The following COL18A1 variants were observed in gnomAD, a reference collection of about 807,000 sequenced individuals.
COL18A1 encodes collagen type XVIII alpha 1 chain.
COL18A1 carries 133 observed loss-of-function variants against 168.0 expected under a neutral mutation model. That is an observed-to-expected ratio of 0.79 (90% CI 0.69 to 0.91). The LOEUF is 0.91. Ranked by LOEUF, COL18A1 falls within the 40% of genes least tolerant of loss-of-function variation. COL18A1 has a pLI of 0.00. For synonymous variants in COL18A1, 949 were observed against 809.0 expected (o/e 1.17, Z -2.94); for missense variants, 2,126 against 1,925.4 (o/e 1.10, Z -1.95).
At chr21:45,427,651 C>T (rs891453008) in intron 2 of COL18A1, among the ~76,000 whole-genome samples, 2 of 152,200 alleles carry the variant, frequency 1.3e-5, no homozygotes, top group Admixed American at 1.3e-4. Flanking sequence ...GTTGAGGTCT[C>T]TGTGCATGCT....
In COL18A1 at chr21:45,437,157, G is replaced by GAC. The variant is rs201385621; in HGVS notation, c.107-31081_107-31080dup. ...CACTCTCCACACACACTCACACTCA[G>GAC]ACACAGGCACTCTCCTGCACACACA... On this transcript the variant is annotated intron_variant, in intron 2 of 41. Coordinates refer to ENST00000651438, the MANE Select transcript of COL18A1 (RefSeq NM_001379500.1). Among the ~76,000 whole-genome samples the GAC allele has an allele frequency of 5.5e-4, 46 of 84,114 alleles. 3 individuals are homozygous for GAC. The highest frequency in any genetic ancestry group is 1.9e-3 in the African/African-American group (30 of 15,962). 55.2% of individuals were successfully genotyped at this position (84,114 alleles called of 152,430 possible). A position where few individuals can be genotyped will look rare whatever the true frequency, so the allele number is the denominator to read the frequency against.
intron 41 of COL18A1, 67 bp from the exon 42 acceptor site, chr21:45,512,121 C>T (rs775479244): frequency 2.2e-5 from 33 of 1,531,974 alleles, no homozygotes; most frequent in East Asian, 7.3e-5. Flanking sequence ...CTTTCCTGCC[C>T]GGGGAGCGGC....
intron 15 of COL18A1, among the ~76,000 whole-genome samples, chr21:45,484,754 AGT>A (rs773165715): frequency 4.6e-5 from 7 of 152,358 alleles, no homozygotes; most frequent in African/African-American, 9.6e-5. Flanking sequence ...ATGTATTTGT[AGT>A]GTGTGTGCAC....
At chr21:45,436,499 A>AG (rs930256493) in intron 2 of COL18A1, among the ~76,000 whole-genome samples, 1 of 151,494 alleles carries the variant, frequency 6.6e-6, no homozygotes, top group Non-Finnish European at 1.5e-5. Flanking sequence ...CTGGAAGGAG[A>AG]GGGCTTTCGG....
rs760175310 is a variant in COL18A1 at position 45,476,383 on chromosome 21, AC to A, written c.837del (p.Val280SerfsTer29). The A allele has an allele frequency of 1.2e-6, 2 of 1,613,788 alleles. No individual in the cohort carries two copies. The highest frequency in any genetic ancestry group is 1.3e-5 in the African/African-American group (1 of 74,872). ...AALKPRLPAP[P>X]PVTTPPLAGG... ...CCCTAAAACCCAGGCTCCCCGCGCC[AC>A]CCCCCGTCACCACGCCACCCTTGGC... On this transcript the variant is annotated frameshift_variant, in exon 6 of 42. Transcript: ENST00000651438. LOFTEE classifies it high-confidence loss of function.
At position 45,493,591 on chromosome 21, in the gene COL18A1, C is replaced by T. The variant is rs2036433252; in HGVS notation, c.2352+16C>T. On this transcript the variant is annotated intron_variant, in intron 26 of 41. Transcript: ENST00000651438. Reference sequence around the variant, plus strand: ...AGGAGCCAAGGTGAGGGCCGGGCAGCCTCCTTCCGGCAGGCGTGGGGGCTC... The same window carrying T: ...AGGAGCCAAGGTGAGGGCCGGGCAGTCTCCTTCCGGCAGGCGTGGGGGCTC... 2 of 1,545,926 alleles carry T rather than the reference C, an allele frequency of 1.3e-6. No individual in the cohort carries two copies. The highest frequency in any genetic ancestry group is 1.7e-6 in the Non-Finnish European group (2 of 1,143,374).
chr21:45,428,620 C>T (rs1012718325), intron 2 of COL18A1, among the ~76,000 whole-genome samples: 2 of 152,180 alleles, frequency 1.3e-5, no homozygotes, highest in Non-Finnish European at 2.9e-5. Context: ...TGGGCCATCA[C>T]GCAGCCACCG....
intron 14 of COL18A1, among the ~76,000 whole-genome samples, chr21:45,482,554 A>C (rs2035937228): frequency 6.6e-6 from 1 of 152,184 alleles, no homozygotes; most frequent in South Asian, 2.1e-4. Context: ...CCCAGGCCCC[A>C]CGTGTAGCCA....
chr21:45,407,095 G>C (rs560087972), intron 2 of COL18A1, among the ~76,000 whole-genome samples: 1 of 152,298 alleles, frequency 6.6e-6, no homozygotes, highest in Non-Finnish European at 1.5e-5. Flanking sequence ...CCCTCCCCCA[G>C]CCCGGAGAGA....
At chr21:45,426,796 C>CT (rs1411059783) in intron 2 of COL18A1, among the ~76,000 whole-genome samples, 1 of 152,230 alleles carries the variant, frequency 6.6e-6, no homozygotes, top group Non-Finnish European at 1.5e-5. Flanking sequence ...GGCCTCCTCT[C>CT]TGTCTTTTCT....
chr21:45,476,924 TGTG>T lies in COL18A1; in HGVS notation c.928+445_928+447del, dbSNP rs1568903213. Among the ~76,000 whole-genome samples, 98 of 86,212 alleles carry T rather than the reference TGTG, an allele frequency of 1.1e-3. 1 individual carries two copies. The East Asian group carries it at 0.014, about 12-fold the overall frequency. 56.6% of individuals were successfully genotyped at this position (86,212 alleles called of 152,430 possible). A position where few individuals can be genotyped will look rare whatever the true frequency, so the allele number is the denominator to read the frequency against. ...TGTGTGATGTGTATTATGTGTTTTG[TGTG>T]TGTGTGTGTGTGTGTGTGTGTGTGG... On this transcript the variant is annotated intron_variant, in intron 6 of 41. Coordinates refer to ENST00000651438, the MANE Select transcript of COL18A1 (RefSeq NM_001379500.1).
At chr21:45,406,568 G>A (rs1233844293) in intron 2 of COL18A1, among the ~76,000 whole-genome samples, 2 of 152,154 alleles carry the variant, frequency 1.3e-5, no homozygotes, top group Admixed American at 6.5e-5. Flanking sequence ...GGCGGAGAGC[G>A]GCTGTGAGCT....
At chr21:45,475,586 C>T (rs760716074) in intron 5 of COL18A1, 51 bp downstream of exon 5, 47 of 1,517,124 alleles carry the variant, frequency 3.1e-5, no homozygotes, top group Non-Finnish European at 4.2e-5. Context: ...CGGGAGAGCC[C>T]CTCCCAGCAG....
At position 45,423,873 on chromosome 21, in the gene COL18A1, G is replaced by A. The variant is rs1172266087; in HGVS notation, c.106+18400G>A. 1.3e-5 allele frequency: 2 copies of A among 152,278 alleles called. No homozygotes were observed. The highest frequency in any genetic ancestry group is 4.8e-5 in the African/African-American group (2 of 41,442). The allele number at this position is 152,278 out of a possible 1,614,324, so 9.4% of individuals were successfully genotyped here. Reference sequence around the variant, plus strand: ...AGCAGGGTTCTGCAGTGTCCTGGGGGCAGAGGCCTGACGCACTCAGCTGCT... The same window carrying A: ...AGCAGGGTTCTGCAGTGTCCTGGGGACAGAGGCCTGACGCACTCAGCTGCT... On this transcript the variant is annotated intron_variant, in intron 2 of 41. Coordinates refer to ENST00000651438, the MANE Select transcript of COL18A1 (RefSeq NM_001379500.1). This position sits in a 1 kb window ranked among gnomAD's most constrained non-coding sequence, Gnocchi z 4.0.
chr21:45,513,530 T>G lies in COL18A1; in HGVS notation c.*1132T>G, dbSNP rs541872201. The stretch of plus-strand genomic sequence containing the variant: ...CTGTCAGTCACAGCCACCCCTGAGA[T>G]CCGGCAACATCAACCCGAGTCATTC... On this transcript the variant is annotated 3_prime_UTR_variant, in exon 42 of 42. Coordinates refer to ENST00000651438, the MANE Select transcript of COL18A1 (RefSeq NM_001379500.1). 7.6e-6 allele frequency: 1 copy of G among 132,114 alleles called. No individual in the cohort carries two copies. Among genetic ancestry groups the G allele is most frequent in the African/African-American group, 3.2e-5 (1 of 31,228 alleles). 8.2% of individuals were successfully genotyped at this position (132,114 alleles called of 1,614,324 possible). A position where few individuals can be genotyped will look rare whatever the true frequency, so the allele number is the denominator to read the frequency against.
intron 31 of COL18A1, 58 bp from the exon 32 acceptor site, chr21:45,497,541 C>T: frequency 6.5e-7 from 1 of 1,548,706 alleles, no homozygotes; most frequent in Non-Finnish European, 8.7e-7. Context: ...AGGAGGGGCA[C>T]CACCCTGGAG....
intron 2 of COL18A1, among the ~76,000 whole-genome samples, chr21:45,416,033 G>A (rs946170170): frequency 2.0e-5 from 3 of 152,262 alleles, no homozygotes; most frequent in Middle Eastern, 3.4e-3. Flanking sequence ...TCTGTTATCC[G>A]GACTGCCCAG....
intron 2 of COL18A1, among the ~76,000 whole-genome samples, chr21:45,462,224 A>T (rs2035070509): frequency 1.3e-5 from 2 of 152,164 alleles, no homozygotes; most frequent in Admixed American, 6.5e-5. Context: ...TTTGATGATA[A>T]TGTAACTTGG....
Position 45,418,833 on chromosome 21 carries a change from C to G in COL18A1, c.106+13360C>G, listed in dbSNP as rs541012590. 4.0e-3 allele frequency among the ~76,000 whole-genome samples: 612 copies of G among 152,310 alleles called. 5 individuals carry two copies. The highest frequency in any genetic ancestry group is 0.014 in the African/African-American group (588 of 41,562). On this transcript the variant is annotated intron_variant, in intron 2 of 41. Coordinates refer to ENST00000651438, the MANE Select transcript of COL18A1 (RefSeq NM_001379500.1). ...ACCCCGACCTCCTGTGCCTGCGGCC[C>G]TGCGAGGCGTGATGGCCAATACACA...
Sources: gnomAD v4.1 joint callset for allele counts (sites outside exome capture counted in the v4.1 genomes callset) on GRCh38, gnomAD v4.1.1 for gene constraint, Gnocchi (gnomAD v3.1) non-coding constraint, MANE v1.5 for transcripts, NCBI Gene and HGNC (gene_info 2026-07-23, HGNC 2026-07-21) for gene names.